Variants in ADAM22 observed in about 807,000 individuals in gnomAD.
ADAM22 encodes the protein disintegrin and metalloproteinase domain-containing protein 22.
Under a neutral mutation model 144.6 loss-of-function variants are expected in ADAM22, and 65 were observed. That is an observed-to-expected ratio of 0.45 (90% CI 0.37 to 0.55). The LOEUF (loss-of-function observed/expected upper bound fraction) is 0.55. Ranked by LOEUF, ADAM22 falls within the 20% of genes least tolerant of loss-of-function variation. The probability of loss-of-function intolerance (pLI) is 0.00; values close to 1 mark genes in which losing one functional copy is unlikely to be tolerated. For missense variants in ADAM22, 974 were observed against 1,184.9 expected, an observed-to-expected ratio of 0.82 and a Z score of 2.61; for synonymous variants, 391 against 412.6, an observed-to-expected ratio of 0.95 and a Z score of 0.63.
chr7:88,000,447 T>A (rs139281522), intron 3 of ADAM22, among the ~76,000 whole-genome samples: 10 of 152,278 alleles, frequency 6.6e-5, no homozygotes, highest in African/African-American at 2.2e-4. Flanking sequence ...TTTATGATTG[T>A]CCTAGTGGAT....
intron 4 of ADAM22, 89 bp from the exon 5 acceptor site, chr7:88,108,086 AG>A: frequency 1.2e-6 from 1 of 868,446 alleles, no homozygotes. Context: ...CTAGATGTGG[AG>A]GTGCATTGTG....
chr7:87,991,652 C>T (rs1789922285), intron 3 of ADAM22, among the ~76,000 whole-genome samples: 1 of 152,172 alleles, frequency 6.6e-6, no homozygotes, highest in Admixed American at 6.5e-5. Flanking sequence ...AGGCGTGAGC[C>T]ACCGCGCCCG....
intron 7 of ADAM22, among the ~76,000 whole-genome samples, chr7:88,121,975 T>C (rs1829415685): frequency 6.6e-6 from 1 of 152,146 alleles, no homozygotes; most frequent in Non-Finnish European, 1.5e-5. Context: ...CTTAAGACAA[T>C]ACACACTTAT....
At chr7:88,050,638 T>TTGG (rs1348997526) in intron 3 of ADAM22, among the ~76,000 whole-genome samples, 4 of 152,222 alleles carry the variant, frequency 2.6e-5, no homozygotes, top group African/African-American at 9.6e-5. Flanking sequence ...CATGCGTCTG[T>TTGG]TGGCTGCATA....
chr7:88,075,087 A>G (rs1357934154), intron 3 of ADAM22, among the ~76,000 whole-genome samples: 2 of 152,230 alleles, frequency 1.3e-5, no homozygotes, highest in African/African-American at 4.8e-5. Context: ...AAGATTATAG[A>G]AACATGTAAA....
intron 2 of ADAM22, among the ~76,000 whole-genome samples, chr7:87,945,880 G>T (rs920416702): frequency 1.3e-5 from 2 of 152,154 alleles, no homozygotes; most frequent in African/African-American, 2.4e-5. Context: ...CAAAGATGAT[G>T]AAAGTTTTGG....
chr7:87,952,953 A>G (rs948845415), intron 2 of ADAM22, among the ~76,000 whole-genome samples: 6 of 152,016 alleles, frequency 3.9e-5, no homozygotes, highest in African/African-American at 1.4e-4. Context: ...GTATTCTCTG[A>G]TGGTAGTTTG....
At chr7:87,988,287 G>C (rs772803132) in intron 3 of ADAM22, among the ~76,000 whole-genome samples, 2 of 152,236 alleles carry the variant, frequency 1.3e-5, no homozygotes, top group South Asian at 4.2e-4. Context: ...TTGCAGAATG[G>C]CATCTTGGTC....
In ADAM22 at chr7:88,018,434, AT is replaced by A. The variant is rs375384338; in HGVS notation, c.323+40030del. ...AAGTAAATAATATGAGAAAATCTAG[AT>A]TTTTTTTCCCCCATTACTGTTCTAC... On this transcript the variant is annotated intron_variant, in intron 3 of 31. Transcript: ENST00000413139. Among the ~76,000 whole-genome samples the A allele has an allele frequency of 5.9e-4, 90 of 152,128 alleles. No homozygotes were observed. In the East Asian group the frequency reaches 0.012, roughly 20 times the overall value.
chr7:88,084,740 T>G (rs1817943357), intron 4 of ADAM22, among the ~76,000 whole-genome samples: 3 of 152,212 alleles, frequency 2.0e-5, no homozygotes, highest in South Asian at 2.1e-4. Flanking sequence ...AAAAAGCAAC[T>G]CTTAAAACTT....
chr7:88,132,704 T>A (rs1417768410), intron 11 of ADAM22, 163 bp from the exon 12 acceptor site: 1 of 517,214 alleles, frequency 1.9e-6, no homozygotes, highest in Non-Finnish European at 3.5e-6. Flanking sequence ...ACCTTTTTCT[T>A]TGGTTACATG....
intron 3 of ADAM22, among the ~76,000 whole-genome samples, chr7:88,007,090 C>G (rs375245111): frequency 6.6e-6 from 1 of 152,202 alleles, no homozygotes; most frequent in East Asian, 1.9e-4. Context: ...AAATCACAAG[C>G]ATTCTTATAC....
At chr7:88,102,657 A>G (rs758688971) in intron 4 of ADAM22, among the ~76,000 whole-genome samples, 4 of 152,204 alleles carry the variant, frequency 2.6e-5, no homozygotes, top group Non-Finnish European at 4.4e-5. Flanking sequence ...GTCTTACCTC[A>G]GAGCTGCCTG....
At chr7:87,994,344 G>A (rs1490337693) in intron 3 of ADAM22, among the ~76,000 whole-genome samples, 1 of 151,722 alleles carries the variant, frequency 6.6e-6, no homozygotes, top group East Asian at 1.9e-4. Flanking sequence ...ATATTTTTTA[G>A]TAGACACGGG....
chr7:88,001,471 T>G (rs1421622750), intron 3 of ADAM22, among the ~76,000 whole-genome samples: 1 of 152,208 alleles, frequency 6.6e-6, no homozygotes, highest in Non-Finnish European at 1.5e-5. Flanking sequence ...CATAAGCTTT[T>G]GGCCAAGACA....
chr7:87,990,120 A>G (rs1789443148), intron 3 of ADAM22, among the ~76,000 whole-genome samples: 1 of 152,008 alleles, frequency 6.6e-6, no homozygotes, highest in Non-Finnish European at 1.5e-5. Context: ...TGTACTCTAT[A>G]TACAGGTTTT....
At chr7:88,018,293 A>G (rs894275195) in intron 3 of ADAM22, among the ~76,000 whole-genome samples, 6 of 152,276 alleles carry the variant, frequency 3.9e-5, no homozygotes, top group African/African-American at 1.2e-4. Context: ...TTGTTGTTTC[A>G]TGTTGTTTGA....
At chr7:87,944,880 G>C (rs944268837) in intron 2 of ADAM22, among the ~76,000 whole-genome samples, 1 of 116,912 alleles carries the variant, frequency 8.6e-6, no homozygotes, top group East Asian at 2.3e-4. Flanking sequence ...TGAGCTTTAA[G>C]TATTCGGTTC....
chr7:88,098,176 T>C (rs967018562), intron 4 of ADAM22, among the ~76,000 whole-genome samples: 2 of 152,196 alleles, frequency 1.3e-5, no homozygotes, highest in African/African-American at 4.8e-5. Flanking sequence ...TTTGACTTAG[T>C]AAAATGGAAT....
Sources: gnomAD v4.1 joint callset for allele counts (sites outside exome capture counted in the v4.1 genomes callset) on GRCh38, gnomAD v4.1.1 for gene constraint, MANE v1.5 for transcripts, NCBI Gene and HGNC (gene_info 2026-07-23, HGNC 2026-07-21) for gene names.